The following PTGS1 variants were observed in gnomAD, a reference collection of about 807,000 sequenced individuals.
PTGS1 encodes the protein prostaglandin G/H synthase 1.
PTGS1 carries 40 observed loss-of-function variants against 63.0 expected under a neutral mutation model. The ratio of observed to expected loss-of-function variants is 0.63; its 90% CI spans 0.49 to 0.83. The LOEUF (loss-of-function observed/expected upper bound fraction) is 0.83. Among genes scored for constraint, PTGS1 ranks in the 40% least tolerant of loss-of-function variants. The pLI is 0.00. For missense variants in PTGS1, 709 were observed against 786.5 expected (o/e 0.90, Z 1.18); for synonymous variants, 298 against 301.9 (o/e 0.99, Z 0.13).
rs938890269 is a variant in PTGS1, at chr9:122,394,077, G to A, written c.*1533G>A. 1 of 152,262 alleles carries A rather than the reference G, an allele frequency of 6.6e-6. No individual in the cohort carries two copies. Among genetic ancestry groups the A allele is most frequent in the African/African-American group, 2.4e-5 (1 of 41,424 alleles). The allele number at this position is 152,262 out of a possible 1,614,324, so 9.4% of individuals were successfully genotyped here. On this transcript the variant is annotated 3_prime_UTR_variant, in exon 11 of 11. Transcript: ENST00000362012. ...AATAAGATATATACAAGGTGAGTGT[G>A]ACTTCCCTTCTAACCCCCTCTGCTC... is the stretch of plus-strand genomic sequence containing the variant.
upstream of PTGS1, chr9:122,370,800 C>A: frequency 1.7e-6 from 1 of 594,006 alleles, no homozygotes; most frequent in Non-Finnish European, 3.0e-6. Context: ...GTCTCTGAGC[C>A]TCAGTTTCCT....
In PTGS1 at chr9:122,378,532, C is replaced by T. The variant is rs1837321715; in HGVS notation, c.311C>T (p.Ala104Val). The T allele has an allele frequency of 6.2e-7, 1 of 1,614,250 alleles. No individual in the cohort carries two copies. The highest frequency in any genetic ancestry group is 8.5e-7 in the Non-Finnish European group (1 of 1,180,054). ...HGRWFWEFVN[A>V]TFIREMLMRL... ...CGCTGGTTCTGGGAGTTTGTCAATG[C>T]CACCTTCATCCGAGAGATGCTCATG... Residue 104 changes from alanine to valine, a missense_variant, in exon 4 of 11, where the codon GCC (alanine) becomes GTC (valine). Ala to Val is a moderately conservative substitution (Grantham distance 64). Transcript: ENST00000362012.
chr9:122,370,972 CG>C, upstream of PTGS1: 1 of 1,139,100 alleles, frequency 8.8e-7, no homozygotes, highest in South Asian at 1.3e-5. Flanking sequence ...GAGGGAGGAG[CG>C]GGGGTGGAGC....
In PTGS1 at chr9:122,371,194, T is replaced by A. The variant is rs775139027; in HGVS notation, c.16T>A (p.Leu6Met). Residue 6 changes from leucine (L) to methionine (M), a missense_variant, in exon 2 of 11, where the codon TTG (leucine) becomes ATG (methionine). By Grantham distance (15) the Leu-to-Met change is conservative. Transcript: ENST00000362012. MSRSL[L>M]LWFLLFLLLL... is the part of the protein sequence containing the mutation. ...ATCTCTCTCCTCTGCAGGGAGTCTC[T>A]TGCTCTGGTTCTTGCTGTTCCTGCT... The A allele has an allele frequency of 6.2e-7, 1 of 1,609,324 alleles. No individual in the cohort carries two copies. The highest frequency in any genetic ancestry group is 1.1e-5 in the South Asian group (1 of 91,090).
chr9:122,380,816 C>G (rs1265609910), intron 5 of PTGS1, among the ~76,000 whole-genome samples: 2 of 152,218 alleles, frequency 1.3e-5, no homozygotes, highest in Non-Finnish European at 2.9e-5. Context: ...AAATGGGTAT[C>G]ATTTGCCCCT....
chr9:122,370,845 A>T, upstream of PTGS1: 1 of 633,660 alleles, frequency 1.6e-6, no homozygotes, highest in Non-Finnish European at 2.7e-6. Flanking sequence ...TCAGAAACGT[A>T]AGTGCTTCAA....
intron 7 of PTGS1, among the ~76,000 whole-genome samples, chr9:122,382,843 A>G (rs1837606511): frequency 6.6e-6 from 1 of 152,240 alleles, no homozygotes; most frequent in African/African-American, 2.4e-5. Context: ...GAGTGCCACT[A>G]GAGTGTTTGG....
At position 122,378,018 on chromosome 9, in the gene PTGS1, G is replaced by A; in HGVS notation, c.211+3G>A. 1 of 1,610,866 alleles carries A rather than the reference G, an allele frequency of 6.2e-7. No individual in the cohort carries two copies. Among genetic ancestry groups the A allele is most frequent in the South Asian group, 1.1e-5 (1 of 91,066 alleles). On this transcript the variant is annotated splice_donor_region_variant and intron_variant, in intron 3 of 10. Transcript: ENST00000362012. ...TTCCGGCCCCAACTGCACCATCCGT[G>A]AGCTGGGCCTTCAGCCCTCACTCCT...
At chr9:122,391,388 T>TATATATATAC (rs1564147448) in intron 10 of PTGS1, among the ~76,000 whole-genome samples, 1 of 90,216 alleles carries the variant, frequency 1.1e-5, no homozygotes. Context: ...TATATATACA[T>TATATATATAC]ATATATATAC....
chr9:122,391,171 T>G (rs1049441799), intron 10 of PTGS1, among the ~76,000 whole-genome samples: 1 of 150,850 alleles, frequency 6.6e-6, no homozygotes, highest in Non-Finnish European at 1.5e-5. Flanking sequence ...CGGATTCTGA[T>G]TCAACCAGCC....
intron 2 of PTGS1, chr9:122,371,641 C>G (rs1161524571): frequency 4.2e-6 from 6 of 1,433,982 alleles, no homozygotes; most frequent in Non-Finnish European, 5.5e-6. Context: ...GCCGCAGGCA[C>G]CAAGGGAAAT....
In PTGS1 at chr9:122,377,792, C is replaced by T. The variant is rs531793161; in HGVS notation, c.95-107C>T. 241 of 977,674 alleles carry T rather than the reference C, an allele frequency of 2.5e-4. 8 individuals are homozygous for T. In the South Asian group the frequency reaches 3.3e-3, roughly 13 times the overall value. 60.6% of individuals were successfully genotyped at this position (977,674 alleles called of 1,614,324 possible). A position where few individuals can be genotyped will look rare whatever the true frequency, so the allele number is the denominator to read the frequency against. On this transcript the variant is annotated intron_variant, in intron 2 of 10. Transcript: ENST00000362012. ...TGGCACCCAGTGATTCAGGACGGAGCTGCGACTTAAGTCCATGCCTCTGGC... is the reference window on the plus strand; with the variant it reads ...TGGCACCCAGTGATTCAGGACGGAGTTGCGACTTAAGTCCATGCCTCTGGC...
intron 2 of PTGS1, chr9:122,371,599 G>T: frequency 7.0e-7 from 1 of 1,429,794 alleles, no homozygotes. Context: ...CAACAACCCC[G>T]CTGTTTCCTA....
intron 3 of PTGS1, 66 bp downstream of exon 3, chr9:122,378,081 C>A: frequency 7.0e-7 from 1 of 1,431,606 alleles, no homozygotes; most frequent in Non-Finnish European, 9.7e-7. Context: ...GCCCTTTCTC[C>A]TAGACCCTAA....
chr9:122,386,142 AAAAG>A (rs748919811), intron 8 of PTGS1, among the ~76,000 whole-genome samples: 6 of 151,492 alleles, frequency 4.0e-5, no homozygotes, highest in East Asian at 3.9e-4. Flanking sequence ...AAAAAAAAAA[AAAAG>A]AAAGAAAGAA....
intron 7 of PTGS1, 48 bp downstream of exon 7, chr9:122,381,795 C>T (rs1837545526): frequency 6.4e-7 from 1 of 1,565,348 alleles, no homozygotes; most frequent in Non-Finnish European, 8.8e-7. Context: ...CTCCCATGGT[C>T]TTCCCTGGCA....
At chr9:122,391,329 T>G in intron 10 of PTGS1, among the ~76,000 whole-genome samples, 1 of 122,216 alleles carries the variant, frequency 8.2e-6, no homozygotes, top group Non-Finnish European at 1.5e-5. Flanking sequence ...CACATATATA[T>G]GTGTGTGTAT....
chr9:122,383,869 T>C (rs372356725), intron 8 of PTGS1, 114 bp downstream of exon 8: 14 of 1,431,486 alleles, frequency 9.8e-6, no homozygotes, highest in East Asian at 7.2e-5. Flanking sequence ...ACCCTTCTGC[T>C]TAGTGGCTAG....
chr9:122,373,829 C>T (rs1024766183), intron 2 of PTGS1, among the ~76,000 whole-genome samples: 3 of 151,852 alleles, frequency 2.0e-5, no homozygotes, highest in African/African-American at 7.3e-5. Flanking sequence ...GACTGGGGCC[C>T]AGGCCAAACC....
Sources: gnomAD v4.1 joint callset for allele counts (sites outside exome capture counted in the v4.1 genomes callset) on GRCh38, gnomAD v4.1.1 for gene constraint, MANE v1.5 for transcripts, NCBI Gene and HGNC (gene_info 2026-07-23, HGNC 2026-07-21) for gene names.